The following EPSTI1 variants were observed in gnomAD, a reference collection of about 807,000 sequenced individuals.
The protein encoded by EPSTI1 is epithelial stromal interaction 1, also known as epithelial-stromal interaction protein 1.
A neutral mutation model predicts 49.9 loss-of-function variants in EPSTI1; 66 were observed. That is an observed-to-expected ratio of 1.32 (90% CI 1.08 to 1.62). The LOEUF (loss-of-function observed/expected upper bound fraction) is 1.62. Among genes scored for constraint, EPSTI1 ranks in the 40% most tolerant of loss-of-function variants. The pLI, the probability that EPSTI1 is intolerant of heterozygous loss-of-function variation, is 0.00. For missense variants in EPSTI1, 394 were observed against 365.5 expected, an observed-to-expected ratio of 1.08 and a Z score of -0.64; for synonymous variants, 137 against 130.7, an observed-to-expected ratio of 1.05 and a Z score of -0.33.
At chr13:42,896,423 C>T (rs1312177895) in intron 9 of EPSTI1, among the ~76,000 whole-genome samples, 1 of 152,178 alleles carries the variant, frequency 6.6e-6, no homozygotes, top group Admixed American at 6.5e-5. Flanking sequence ...GCCTGCATGC[C>T]TGGAGCTGTT....
chr13:42,988,996 G>A (rs1163900980), intron 1 of EPSTI1, among the ~76,000 whole-genome samples: 1 of 150,766 alleles, frequency 6.6e-6, no homozygotes, highest in Non-Finnish European at 1.5e-5. Context: ...GAGTAGCTGG[G>A]ACAGAGGTAT....
At position 42,963,203 on chromosome 13, in the gene EPSTI1, C is replaced by T. The variant is rs372176346; in HGVS notation, c.489+52G>A. The T allele has an allele frequency of 5.0e-5, 73 of 1,445,806 alleles. 1 individual carries two copies. The highest frequency in any genetic ancestry group is 3.4e-4 in the South Asian group (28 of 83,250). 89.6% of individuals were successfully genotyped at this position (1,445,806 alleles called of 1,614,324 possible). On this transcript the variant is annotated intron_variant, in intron 5 of 10. Coordinates refer to ENST00000313624, the MANE Select transcript of EPSTI1 (RefSeq NM_033255.5). ...TTACTATAATAAAAATCTTCTACAA[C>T]GAAACTATAATTGTTGATCAGCAAA...
chr13:42,907,628 C>A (rs2037533041), intron 8 of EPSTI1, among the ~76,000 whole-genome samples: 1 of 152,152 alleles, frequency 6.6e-6, no homozygotes, highest in South Asian at 2.1e-4. Flanking sequence ...TGGAAGTTCT[C>A]CTTACCCCAA....
intron 6 of EPSTI1, among the ~76,000 whole-genome samples, chr13:42,928,611 A>G (rs1241364311): frequency 6.6e-6 from 1 of 152,210 alleles, no homozygotes; most frequent in Non-Finnish European, 1.5e-5. Context: ...TAGGATCTTT[A>G]AGGGTCCTTC....
chr13:42,992,006 C>T lies in EPSTI1; in HGVS notation c.160G>A (p.Glu54Lys), dbSNP rs958311967. The change falls in exon 1 of 11, where the codon GAG becomes AAG. Residue 54 changes from glutamate (E) to lysine (K), a missense_variant. Coordinates refer to ENST00000313624, the MANE Select transcript of EPSTI1 (RefSeq NM_033255.5). ...CTCTGGCCCGCGTGCACGACGCTCT[C>T]CCGCGAAGGGCCCTTAGGGGCTGCC... is the stretch of plus-strand genomic sequence containing the variant. ...LEAAPKGPSR[E>K]SVVHAGQRRT... 1 of 1,613,380 alleles carries T rather than the reference C, an allele frequency of 6.2e-7. No individual in the cohort carries two copies. Among genetic ancestry groups the T allele is most frequent in the East Asian group, 2.2e-5 (1 of 44,866 alleles).
At chr13:42,910,582 T>C (rs978884482) in intron 8 of EPSTI1, among the ~76,000 whole-genome samples, 2 of 152,182 alleles carry the variant, frequency 1.3e-5, no homozygotes, top group Admixed American at 1.3e-4. Flanking sequence ...CCATTTGTTC[T>C]CATTATTTTT....
chr13:42,940,394 C>T (rs185325193), intron 6 of EPSTI1, among the ~76,000 whole-genome samples: 7 of 152,320 alleles, frequency 4.6e-5, no homozygotes, highest in African/African-American at 1.4e-4. Context: ...ACCTCTAACA[C>T]TATGTTCCTT....
intron 6 of EPSTI1, among the ~76,000 whole-genome samples, chr13:42,929,219 T>G (rs1233479597): frequency 6.6e-6 from 1 of 152,230 alleles, no homozygotes; most frequent in Non-Finnish European, 1.5e-5. Context: ...CTGTTGGATG[T>G]AAATAGTCAC....
chr13:42,907,916 A>G (rs1273679733), intron 8 of EPSTI1, among the ~76,000 whole-genome samples: 3 of 152,212 alleles, frequency 2.0e-5, no homozygotes, highest in Non-Finnish European at 4.4e-5. Context: ...CCAATGGAAC[A>G]GAATAGAGAG....
intron 6 of EPSTI1, among the ~76,000 whole-genome samples, chr13:42,938,834 G>A (rs760888164): frequency 5.5e-5 from 8 of 146,504 alleles, no homozygotes; most frequent in Non-Finnish European, 1.0e-4. Flanking sequence ...AGAATCACTC[G>A]AACCTGGGAG....
intron 8 of EPSTI1, among the ~76,000 whole-genome samples, chr13:42,911,242 AGAGTGT>A (rs1266274963): frequency 1.6e-5 from 2 of 122,070 alleles, no homozygotes; most frequent in African/African-American, 6.1e-5. Context: ...GGAGAGAGAG[AGAGTGT>A]GTGTGTGTGT....
At chr13:42,990,727 T>C (rs145753685) in intron 1 of EPSTI1, among the ~76,000 whole-genome samples, 1 of 152,282 alleles carries the variant, frequency 6.6e-6, no homozygotes, top group African/African-American at 2.4e-5. Context: ...CCTGGTACTT[T>C]CCAAAAGCTA....
chr13:42,971,150 T>A (rs1369853753), intron 1 of EPSTI1, among the ~76,000 whole-genome samples: 1 of 152,220 alleles, frequency 6.6e-6, no homozygotes, highest in African/African-American at 2.4e-5. Context: ...TTTCTAGGCC[T>A]ATGTCCACTG....
In EPSTI1 at chr13:42,888,053, A is replaced by G; in HGVS notation, c.*441T>C. The G allele has an allele frequency of 6.3e-6, 3 of 473,338 alleles. No individual in the cohort carries two copies. The highest frequency in any genetic ancestry group is 3.6e-6 in the Non-Finnish European group (1 of 274,170). The allele number at this position is 473,338 out of a possible 1,614,324, so 29.3% of individuals were successfully genotyped here. On this transcript the variant is annotated 3_prime_UTR_variant, in exon 11 of 11. Coordinates refer to ENST00000313624, the MANE Select transcript of EPSTI1 (RefSeq NM_033255.5). ...AATATAAGACCTTTTTCTTTTGTACATATTTGTACCATAAAGAAAGTAGGG... is the reference window on the plus strand; with the variant it reads ...AATATAAGACCTTTTTCTTTTGTACGTATTTGTACCATAAAGAAAGTAGGG...
intron 1 of EPSTI1, among the ~76,000 whole-genome samples, chr13:42,976,501 G>C (rs1199355316): frequency 6.6e-6 from 1 of 152,084 alleles, no homozygotes; most frequent in African/African-American, 2.4e-5. Context: ...TATTAAGAAT[G>C]GCTTAATGAT....
At chr13:42,985,904 C>G (rs903182239) in intron 1 of EPSTI1, among the ~76,000 whole-genome samples, 2 of 152,202 alleles carry the variant, frequency 1.3e-5, no homozygotes, top group African/African-American at 4.8e-5. Context: ...CCTTAAAAAC[C>G]CTTGCCCAGA....
chr13:42,981,531 T>C (rs2153435652), intron 1 of EPSTI1, among the ~76,000 whole-genome samples: 1 of 152,332 alleles, frequency 6.6e-6, no homozygotes, highest in Non-Finnish European at 1.5e-5. Flanking sequence ...TCCCCAAGGC[T>C]TGGCAGACCA....
rs1419779159 is a variant in EPSTI1, at chr13:42,886,800, T to TG, written c.*1693dup. Reference sequence around the variant, plus strand: ...CCATATCTGCACAATTTTTAAAAAATGGAACTACCCATCTGCACAAAATCT... The same window carrying TG: ...CCATATCTGCACAATTTTTAAAAAATGGGAACTACCCATCTGCACAAAATCT... On this transcript the variant is annotated 3_prime_UTR_variant, in exon 11 of 11. Coordinates refer to ENST00000313624, the MANE Select transcript of EPSTI1 (RefSeq NM_033255.5). 1 of 152,176 alleles carries TG rather than the reference T, an allele frequency of 6.6e-6. No homozygotes were observed. Among genetic ancestry groups the TG allele is most frequent in the Non-Finnish European group, 1.5e-5 (1 of 68,038 alleles). 9.4% of individuals were successfully genotyped at this position (152,176 alleles called of 1,614,324 possible).
intron 6 of EPSTI1, among the ~76,000 whole-genome samples, chr13:42,949,989 T>A (rs1194760151): frequency 6.6e-6 from 1 of 152,234 alleles, no homozygotes; most frequent in Non-Finnish European, 1.5e-5. Context: ...ACTTCACGTC[T>A]TCCATCTAAT....
Sources: allele counts gnomAD v4.1 joint callset (sites outside exome capture counted in the v4.1 genomes callset), GRCh38; gene constraint gnomAD v4.1.1; transcripts MANE v1.5; gene names NCBI Gene and HGNC (gene_info 2026-07-23, HGNC 2026-07-21).